Variants in PLEKHM3 observed in about 807,000 individuals in gnomAD.
PLEKHM3 encodes the protein pleckstrin homology domain containing M3, also known as pleckstrin homology domain-containing family M member 3.
In PLEKHM3, 45 loss-of-function variants were observed where a neutral mutation model predicts 81.8. That is an observed-to-expected ratio of 0.55 (90% confidence interval 0.43 to 0.71). The LOEUF (loss-of-function observed/expected upper bound fraction) is 0.71, where lower values mean the gene tolerates loss of function less well. Among genes scored for constraint, PLEKHM3 ranks in the 30% least tolerant of loss-of-function variants. PLEKHM3 has a pLI of 0.00. For missense variants in PLEKHM3, 788 were observed against 924.3 expected, an observed-to-expected ratio of 0.85 and a Z score of 1.91; for synonymous variants, 352 against 356.4, an observed-to-expected ratio of 0.99 and a Z score of 0.14.
chr2:207,939,464 G>A (rs770213575), intron 4 of PLEKHM3, among the ~76,000 whole-genome samples: 2 of 152,168 alleles, frequency 1.3e-5, no homozygotes, highest in South Asian at 2.1e-4. Context: ...GCTGGGAAAC[G>A]GTTATGGATG....
chr2:207,892,321 A>T (rs1197109245), intron 6 of PLEKHM3, among the ~76,000 whole-genome samples: 3 of 152,226 alleles, frequency 2.0e-5, no homozygotes, highest in Middle Eastern at 3.2e-3. Context: ...GTAAATGTAC[A>T]CAGCATACCA....
chr2:207,901,523 G>A (rs1688425979), intron 6 of PLEKHM3, among the ~76,000 whole-genome samples: 1 of 152,180 alleles, frequency 6.6e-6, no homozygotes, highest in African/African-American at 2.4e-5. Context: ...CACTCTTCCC[G>A]TTCCCCTCCC....
At chr2:207,940,302 A>G (rs924256319) in intron 4 of PLEKHM3, among the ~76,000 whole-genome samples, 1 of 152,200 alleles carries the variant, frequency 6.6e-6, no homozygotes, top group Non-Finnish European at 1.5e-5. Context: ...TATTACCCCA[A>G]TTCACACAAC....
At chr2:207,911,183 TG>T (rs1284661905) in intron 5 of PLEKHM3, among the ~76,000 whole-genome samples, 1 of 152,110 alleles carries the variant, frequency 6.6e-6, no homozygotes, top group East Asian at 1.9e-4. Flanking sequence ...AAAACCTGAA[TG>T]GGAAGGGGGC....
intron 6 of PLEKHM3, among the ~76,000 whole-genome samples, chr2:207,865,079 CTT>C (rs1185906212): frequency 6.6e-6 from 1 of 152,024 alleles, no homozygotes; most frequent in Non-Finnish European, 1.5e-5. Flanking sequence ...TATTATATCT[CTT>C]GTTTATGTTT....
At chr2:207,885,394 T>C (rs1361898882) in intron 6 of PLEKHM3, among the ~76,000 whole-genome samples, 1 of 152,240 alleles carries the variant, frequency 6.6e-6, no homozygotes, top group Admixed American at 6.5e-5. Flanking sequence ...TTGCTTGACA[T>C]GGGGCATTTT....
At chr2:207,840,661 C>T (rs1364880781) in intron 7 of PLEKHM3, among the ~76,000 whole-genome samples, 1 of 152,150 alleles carries the variant, frequency 6.6e-6, no homozygotes, top group East Asian at 1.9e-4. Flanking sequence ...CCATTTTCTA[C>T]TGATATTTTA....
chr2:207,991,267 T>A (rs1044279832), intron 2 of PLEKHM3, among the ~76,000 whole-genome samples: 2 of 152,224 alleles, frequency 1.3e-5, no homozygotes, highest in African/African-American at 4.8e-5. Context: ...ATACTTAGGC[T>A]GCTGGATTTT....
chr2:207,909,710 T>A (rs560279173), intron 5 of PLEKHM3, among the ~76,000 whole-genome samples: 5 of 152,318 alleles, frequency 3.3e-5, no homozygotes, highest in Non-Finnish European at 5.9e-5. Context: ...CCACAGGGTA[T>A]ATGCCTGGGT....
At chr2:207,966,230 C>A (rs900907577) in intron 3 of PLEKHM3, among the ~76,000 whole-genome samples, 2 of 152,218 alleles carry the variant, frequency 1.3e-5, no homozygotes, top group Non-Finnish European at 2.9e-5. Flanking sequence ...ATGAATAAAT[C>A]TCTATCCTGC....
At chr2:207,833,856 C>T (rs1037218777) in intron 7 of PLEKHM3, among the ~76,000 whole-genome samples, 9 of 152,196 alleles carry the variant, frequency 5.9e-5, no homozygotes, top group South Asian at 2.1e-4. Flanking sequence ...TGCTGGCTTA[C>T]GTTCTTACCA....
chr2:207,979,453 G>GGAGGCAGGAGAATCACTTT (rs1446389005), intron 2 of PLEKHM3, among the ~76,000 whole-genome samples: 2 of 151,560 alleles, frequency 1.3e-5, no homozygotes, highest in African/African-American at 2.4e-5. Context: ...AGAATCACTT[G>GGAGGCAGGAGAATCACTTT]AACCCAGGAG....
At chr2:208,019,606 A>G (rs945709845) in intron 1 of PLEKHM3, 1 of 152,114 alleles carries the variant, frequency 6.6e-6, no homozygotes. Flanking sequence ...ATAATTTTTT[A>G]CCATTTGTAT....
At chr2:207,975,353 C>A (rs946177035) in intron 3 of PLEKHM3, among the ~76,000 whole-genome samples, 2 of 152,110 alleles carry the variant, frequency 1.3e-5, no homozygotes, top group Admixed American at 6.6e-5. Context: ...AATGCAGGAG[C>A]AAGGACAAAA....
intron 6 of PLEKHM3, among the ~76,000 whole-genome samples, chr2:207,875,029 G>C (rs978184162): frequency 6.6e-6 from 1 of 151,152 alleles, no homozygotes; most frequent in African/African-American, 2.4e-5. Flanking sequence ...ATTTATGTGG[G>C]GTAAATATTT....
Position 207,958,685 on chromosome 2 carries a change from G to A in PLEKHM3, c.1547-12173C>T, listed in dbSNP as rs879410345. Among the ~76,000 whole-genome samples, 6 of 152,032 alleles carry A rather than the reference G, an allele frequency of 3.9e-5. No homozygotes were observed. The East Asian group carries it at 5.8e-4, about 15-fold the overall frequency. On this transcript the variant is annotated intron_variant, in intron 3 of 7. Transcript: ENST00000427836. The stretch of plus-strand genomic sequence containing the variant: ...AGCACTTTGGGAGGCCGAGGTGGGC[G>A]GACCACCTAAGGTCCGGAGTTCGAC...
chr2:207,902,855 C>CCCATCCATCCATCCAT (rs150435261), intron 6 of PLEKHM3, among the ~76,000 whole-genome samples: 2,160 of 131,610 alleles, frequency 0.016, 77 homozygotes, highest in African/African-American at 0.063. Flanking sequence ...CATCCACCCA[C>CCCATCCATCCATCCAT]CCATCCATCC....
chr2:208,009,007 T>C (rs1574488451), intron 1 of PLEKHM3, among the ~76,000 whole-genome samples: 1 of 152,226 alleles, frequency 6.6e-6, no homozygotes, highest in Non-Finnish European at 1.5e-5. Flanking sequence ...CTAAGCTCCA[T>C]TTGTCTAAAA....
At chr2:207,890,969 TAATA>T (rs1433558045) in intron 6 of PLEKHM3, among the ~76,000 whole-genome samples, 1 of 152,230 alleles carries the variant, frequency 6.6e-6, no homozygotes, top group Non-Finnish European at 1.5e-5. Flanking sequence ...AATAAAATTT[TAATA>T]AATATTTTAT....
Sources: gnomAD v4.1 joint callset for allele counts (sites outside exome capture counted in the v4.1 genomes callset) on GRCh38, gnomAD v4.1.1 for gene constraint, MANE v1.5 for transcripts, NCBI Gene and HGNC (gene_info 2026-07-23, HGNC 2026-07-21) for gene names.